Variants in PTPRE observed in about 807,000 individuals in gnomAD.
PTPRE encodes the protein receptor-type tyrosine-protein phosphatase epsilon.
PTPRE carries 51 observed loss-of-function variants against 102.0 expected under a neutral mutation model. The observed-to-expected ratio is 0.50, with a 90% CI of 0.40 to 0.63. The LOEUF (loss-of-function observed/expected upper bound fraction) is 0.63, where lower values mean the gene tolerates loss of function less well. Among genes scored for constraint, PTPRE ranks in the 30% least tolerant of loss-of-function variants. PTPRE has a pLI of 0.00. For synonymous variants in PTPRE, 345 were observed against 348.2 expected, an observed-to-expected ratio of 0.99 and a Z score of 0.10; for missense variants, 752 against 915.1, an observed-to-expected ratio of 0.82 and a Z score of 2.30.
At chr10:128,079,979 G>A (rs1851559231) in intron 20 of PTPRE, among the ~76,000 whole-genome samples, 2 of 152,156 alleles carry the variant, frequency 1.3e-5, no homozygotes, top group South Asian at 4.1e-4. Flanking sequence ...AGGAGCTTTT[G>A]TGTCAAAGTG....
chr10:128,068,267 C>T lies in PTPRE; in HGVS notation c.988C>T (p.Pro330Ser). Reference protein sequence around the residue: ...VKTLNPVHAGPIVVHCSAGVG... With the variant: ...VKTLNPVHAGSIVVHCSAGVG... ...GACGCTCAACCCCGTGCACGCTGGG[C>T]CCATCGTGGTCCACTGTAGGTACGC... The change falls in exon 12 of 21, where the codon CCC (proline) becomes TCC (serine). Residue 330 changes from proline (P) to serine (S), a missense_variant. Physicochemically the swap from Pro to Ser is moderately conservative, Grantham distance 74 (BLOSUM62 -1). Around this residue, in one of 2 missense-constraint regions of PTPRE, gnomAD observed 636 missense variants for 824.4 expected, o/e 0.77. Transcript: ENST00000254667. The T allele has an allele frequency of 6.2e-7, 1 of 1,613,654 alleles. No homozygotes were observed.
chr10:128,018,966 C>G (rs112466563), intron 2 of PTPRE, among the ~76,000 whole-genome samples: 8 of 152,366 alleles, frequency 5.3e-5, no homozygotes, highest in African/African-American at 1.9e-4. Flanking sequence ...AATGTGCACA[C>G]TGCACCAGGG....
intron 1 of PTPRE, among the ~76,000 whole-genome samples, chr10:127,956,144 A>G (rs574190417): frequency 1.5e-3 from 231 of 152,340 alleles, no homozygotes; most frequent in Non-Finnish European, 2.5e-3. Flanking sequence ...GTATGATTTC[A>G]GGAGTTGCAT....
chr10:128,046,547 C>T (rs73386003), intron 3 of PTPRE, among the ~76,000 whole-genome samples: 19,520 of 152,104 alleles, frequency 0.13, 1,535 homozygotes, highest in East Asian at 0.24. Flanking sequence ...AGAGAGGAGT[C>T]CAGTGGGCTT....
At chr10:127,942,383 G>A (rs541856473) in intron 1 of PTPRE, among the ~76,000 whole-genome samples, 5 of 152,270 alleles carry the variant, frequency 3.3e-5, no homozygotes, top group Admixed American at 2.0e-4. Flanking sequence ...CGACATCCTC[G>A]ATTTATAAAG....
intron 2 of PTPRE, among the ~76,000 whole-genome samples, chr10:128,037,052 ATACTCGGAT>A (rs1847278194): frequency 6.6e-6 from 1 of 152,218 alleles, no homozygotes; most frequent in Non-Finnish European, 1.5e-5. Flanking sequence ...TATTCCCCAG[ATACTCGGAT>A]TTCTTCCATC....
At chr10:128,035,789 T>C (rs750294448) in intron 2 of PTPRE, among the ~76,000 whole-genome samples, 4 of 152,200 alleles carry the variant, frequency 2.6e-5, no homozygotes, top group Non-Finnish European at 4.4e-5. Flanking sequence ...CAACTCCTGC[T>C]CAGAGGCACT....
intron 1 of PTPRE, among the ~76,000 whole-genome samples, chr10:127,948,057 A>T (rs1848751457): frequency 1.3e-5 from 2 of 152,072 alleles, no homozygotes; most frequent in Non-Finnish European, 1.5e-5. Context: ...GTTTTCTCCT[A>T]GGAGGGGTGA....
chr10:128,049,838 C>T (rs1349965597), intron 6 of PTPRE, among the ~76,000 whole-genome samples, 172 bp downstream of exon 6: 1 of 152,098 alleles, frequency 6.6e-6, no homozygotes, highest in Non-Finnish European at 1.5e-5. Context: ...TGCCCTTTGC[C>T]AATGCTTATT....
At chr10:128,058,151 G>A (rs1025576894) in intron 7 of PTPRE, among the ~76,000 whole-genome samples, 18 of 152,198 alleles carry the variant, frequency 1.2e-4, no homozygotes, top group Admixed American at 9.2e-4. Context: ...GGACCTCTGT[G>A]GAAGCAGAAT....
chr10:127,907,873 G>C lies in PTPRE; in HGVS notation c.-31+564G>C, dbSNP rs59423510. Among the ~76,000 whole-genome samples, 11 of 152,180 alleles carry C rather than the reference G, an allele frequency of 7.2e-5. No homozygotes were observed. The highest frequency in any genetic ancestry group is 2.7e-4 in the African/African-American group (11 of 41,440). On this transcript the variant is annotated intron_variant, in intron 1 of 20. Transcript: ENST00000254667. This position sits in a 1 kb window ranked among gnomAD's most constrained non-coding sequence, Gnocchi z 4.8. ...CGGGATGCAGCAGCCGCCGGGGGTC[G>C]GAGATGCGGCAGGGAGACCCTGGCA...
At chr10:127,960,280 A>G (rs1849697555) in intron 1 of PTPRE, among the ~76,000 whole-genome samples, 1 of 152,208 alleles carries the variant, frequency 6.6e-6, no homozygotes, top group Non-Finnish European at 1.5e-5. Context: ...GTGCTTTCAT[A>G]CTGCAGACAC....
At chr10:127,988,603 C>T (rs1852328899) in intron 2 of PTPRE, among the ~76,000 whole-genome samples, 2 of 152,124 alleles carry the variant, frequency 1.3e-5, no homozygotes, top group African/African-American at 4.8e-5. Flanking sequence ...CCCTACCTGG[C>T]CTGCGGTGAC....
intron 20 of PTPRE, among the ~76,000 whole-genome samples, chr10:128,081,136 AG>A (rs58154929): frequency 0.016 from 1,860 of 119,112 alleles, 38 homozygotes; most frequent in African/African-American, 0.055. Context: ...AACATTTGGC[AG>A]GGAGATTTTG....
At chr10:128,073,901 T>C (rs1047709210) in intron 17 of PTPRE, among the ~76,000 whole-genome samples, 10 of 152,254 alleles carry the variant, frequency 6.6e-5, no homozygotes, top group Non-Finnish European at 1.2e-4. Flanking sequence ...ATTTCTTTGC[T>C]CTAAAAAGGA....
chr10:127,915,998 A>G (rs529956442), intron 1 of PTPRE, among the ~76,000 whole-genome samples: 4 of 151,538 alleles, frequency 2.6e-5, no homozygotes, highest in Admixed American at 6.6e-5. Context: ...TTACAGGGAA[A>G]AAAAAAAAAA....
chr10:128,043,624 G>A (rs762432191), intron 3 of PTPRE, among the ~76,000 whole-genome samples: 16 of 152,238 alleles, frequency 1.1e-4, no homozygotes, highest in Non-Finnish European at 2.1e-4. Context: ...AATGTAACAG[G>A]CGTACAGGCT....
In PTPRE at chr10:128,073,321, G is replaced by A; in HGVS notation, c.1465-16G>A. 6.2e-7 allele frequency: 1 copy of A among 1,613,826 alleles called. No homozygotes were observed. The highest frequency in any genetic ancestry group is 8.5e-7 in the Non-Finnish European group (1 of 1,179,790). On this transcript the variant is annotated splice_polypyrimidine_tract_variant and intron_variant, in intron 16 of 20. Coordinates refer to ENST00000254667, the MANE Select transcript of PTPRE (RefSeq NM_006504.6). ...GGAAGGAAGTCAGACTCTAACCTCT[G>A]CGCCTCCATTTGAAGGGCTACCGAC...
intron 1 of PTPRE, among the ~76,000 whole-genome samples, chr10:127,917,140 C>G (rs545689975): frequency 2.6e-4 from 40 of 151,712 alleles, no homozygotes; most frequent in Non-Finnish European, 5.3e-4. Flanking sequence ...ACCAAGGCCC[C>G]GCAGTTTTCG....
Sources: allele counts gnomAD v4.1 joint callset (sites outside exome capture counted in the v4.1 genomes callset), GRCh38; gene constraint gnomAD v4.1.1; regional missense constraint gnomAD v4.1.1; non-coding constraint Gnocchi (gnomAD v3.1); transcripts MANE v1.5; gene names NCBI Gene and HGNC (gene_info 2026-07-23, HGNC 2026-07-21).